Variants in UBE3C observed in about 807,000 individuals in gnomAD.
UBE3C encodes the protein ubiquitin-protein ligase E3C.
UBE3C carries 42 observed loss-of-function variants against 129.4 expected under a neutral mutation model. That is an observed-to-expected ratio of 0.32 (90% CI 0.25 to 0.42). The LOEUF (loss-of-function observed/expected upper bound fraction) is 0.42. Ranked by LOEUF, UBE3C falls within the 10% of genes least tolerant of loss-of-function variation. The probability of loss-of-function intolerance (pLI) is 1.00; values close to 1 mark genes in which losing one functional copy is unlikely to be tolerated. For missense variants in UBE3C, 1,049 were observed against 1,319.1 expected, an observed-to-expected ratio of 0.80 and a Z score of 3.17; for synonymous variants, 510 against 492.4, an observed-to-expected ratio of 1.04 and a Z score of -0.47.
At chr7:157,202,886 T>C (rs1299654648) in intron 11 of UBE3C, among the ~76,000 whole-genome samples, 1 of 152,186 alleles carries the variant, frequency 6.6e-6, no homozygotes, top group Non-Finnish European at 1.5e-5. Context: ...AAAGTGGTCT[T>C]GTTTTCTTTT....
intron 13 of UBE3C, among the ~76,000 whole-genome samples, chr7:157,210,762 A>G (rs1287517431): frequency 6.6e-6 from 1 of 152,210 alleles, no homozygotes; most frequent in Non-Finnish European, 1.5e-5. Flanking sequence ...ACAGAATTGC[A>G]AACGATGAGA....
chr7:157,182,941 G>T (rs1808707283), intron 8 of UBE3C, among the ~76,000 whole-genome samples: 1 of 152,086 alleles, frequency 6.6e-6, no homozygotes, highest in South Asian at 2.1e-4. Flanking sequence ...TAGAGACGGG[G>T]TTTCACTATG....
chr7:157,218,127 G>A (rs1384740179), intron 14 of UBE3C, among the ~76,000 whole-genome samples: 1 of 152,172 alleles, frequency 6.6e-6, no homozygotes, highest in Non-Finnish European at 1.5e-5. Flanking sequence ...TTGGGAGTAG[G>A]AGATGGAGTG....
intron 1 of UBE3C, among the ~76,000 whole-genome samples, chr7:157,158,654 A>G (rs1251582807): frequency 6.6e-6 from 1 of 152,202 alleles, no homozygotes; most frequent in Non-Finnish European, 1.5e-5. Flanking sequence ...TTTCCTGGGG[A>G]AGACAAACTT....
chr7:157,262,436 T>TTTTTTG (rs1796942835), intron 22 of UBE3C, among the ~76,000 whole-genome samples: 1 of 138,466 alleles, frequency 7.2e-6, no homozygotes, highest in Non-Finnish European at 1.5e-5. Flanking sequence ...TTTTTTTTTT[T>TTTTTTG]GAGATAGAGT....
At chr7:157,144,167 G>A (rs553478790) in intron 1 of UBE3C, among the ~76,000 whole-genome samples, 1 of 152,226 alleles carries the variant, frequency 6.6e-6, no homozygotes, top group Non-Finnish European at 1.5e-5. Context: ...ATGCTGTGGC[G>A]CACGCCTACA....
intron 10 of UBE3C, among the ~76,000 whole-genome samples, chr7:157,199,269 T>G (rs1240872081): frequency 6.6e-6 from 1 of 152,214 alleles, no homozygotes; most frequent in Non-Finnish European, 1.5e-5. Flanking sequence ...GCTTTTTTCT[T>G]ACTCTTTTTT....
At chr7:157,165,706 A>T (rs775458041) in intron 2 of UBE3C, among the ~76,000 whole-genome samples, 1 of 152,112 alleles carries the variant, frequency 6.6e-6, no homozygotes. Flanking sequence ...CTAATTGTTA[A>T]ATACATCCAT....
At chr7:157,226,509 A>G (rs1343626374) in intron 17 of UBE3C, among the ~76,000 whole-genome samples, 1 of 152,210 alleles carries the variant, frequency 6.6e-6, no homozygotes, top group Non-Finnish European at 1.5e-5. Flanking sequence ...TTAAAAATGA[A>G]ATCATCTTAC....
At chr7:157,220,889 C>T (rs1025991584) in intron 15 of UBE3C, 113 bp downstream of exon 15, 5 of 1,237,264 alleles carry the variant, frequency 4.0e-6, no homozygotes, top group Non-Finnish European at 5.5e-6. Context: ...ATGTCACTCC[C>T]AGCAGGAGCT....
At chr7:157,256,829 C>T in intron 21 of UBE3C, 85 bp from the exon 22 acceptor site, 2 of 1,544,940 alleles carry the variant, frequency 1.3e-6, no homozygotes, top group Non-Finnish European at 1.7e-6. Flanking sequence ...ACTTTAGTTT[C>T]CGTGGGTGTC....
At chr7:157,190,384 C>G (rs556957694) in intron 10 of UBE3C, among the ~76,000 whole-genome samples, 1 of 152,194 alleles carries the variant, frequency 6.6e-6, no homozygotes, top group Admixed American at 6.5e-5. Flanking sequence ...TACCTGCAGC[C>G]TGAAACTGCA....
At chr7:157,189,238 G>C (rs576471011) in intron 10 of UBE3C, 1 of 334,416 alleles carries the variant, frequency 3.0e-6, no homozygotes, top group Non-Finnish European at 5.3e-6. Context: ...TTAAGTTTTG[G>C]ATTAGGTGAA....
chr7:157,141,618 T>C (rs1807453018), intron 1 of UBE3C, among the ~76,000 whole-genome samples: 1 of 152,192 alleles, frequency 6.6e-6, no homozygotes, highest in Admixed American at 6.5e-5. Context: ...ATTATAATCT[T>C]ATGGGACCAC....
chr7:157,213,620 T>C (rs936217834), intron 13 of UBE3C, among the ~76,000 whole-genome samples: 4 of 152,226 alleles, frequency 2.6e-5, no homozygotes, highest in African/African-American at 7.2e-5. Flanking sequence ...AAAAGGAATG[T>C]GTTAAGGTGT....
intron 22 of UBE3C, among the ~76,000 whole-genome samples, chr7:157,265,648 A>G (rs889889648): frequency 6.6e-6 from 1 of 152,216 alleles, no homozygotes; most frequent in African/African-American, 2.4e-5. Context: ...AGCGAGACCC[A>G]TTATCAGATG....
At chr7:157,195,248 G>A (rs1046094205) in intron 10 of UBE3C, among the ~76,000 whole-genome samples, 12 of 152,180 alleles carry the variant, frequency 7.9e-5, no homozygotes, top group Non-Finnish European at 1.5e-4. Context: ...GTGTAAATGA[G>A]TGAATCCCCA....
In UBE3C at chr7:157,183,982, A is replaced by G. The variant is rs772339443; in HGVS notation, c.1096A>G (p.Ser366Gly). 5.6e-6 allele frequency: 9 copies of G among 1,614,056 alleles called. No homozygotes were observed. Among genetic ancestry groups the G allele is most frequent in the Non-Finnish European group, 6.8e-6 (8 of 1,180,032 alleles). ...PASASCHDSA[S>G]DSEEESEEAD... ...CAGCGCGAGCTGTCACGACTCAGCC[A>G]GTGACTCTGAGGAGGAGAGTGAAGA... is the stretch of plus-strand genomic sequence containing the variant. Residue 366 changes from serine (S) to glycine (G), a missense_variant, in exon 9 of 23, where the codon AGT becomes GGT. Coordinates refer to ENST00000348165, the MANE Select transcript of UBE3C (RefSeq NM_014671.3).
At chr7:157,223,405 T>G in intron 16 of UBE3C, 54 bp downstream of exon 16, 1 of 1,460,916 alleles carries the variant, frequency 6.8e-7, no homozygotes. Context: ...TGTTAAGAAA[T>G]TAACACACAC....
Sources: gnomAD v4.1 joint callset for allele counts (sites outside exome capture counted in the v4.1 genomes callset) on GRCh38, gnomAD v4.1.1 for gene constraint, MANE v1.5 for transcripts, NCBI Gene and HGNC (gene_info 2026-07-23, HGNC 2026-07-21) for gene names.